PRKN: variants seen among roughly 807,000 people sequenced by gnomAD.
The protein encoded by PRKN is parkin RBR E3 ubiquitin protein ligase, also known as E3 ubiquitin-protein ligase parkin.
Under a neutral mutation model 59.5 loss-of-function variants are expected in PRKN, and 56 were observed. That is an observed-to-expected ratio of 0.94 (90% CI 0.76 to 1.18). The LOEUF is 1.18. Ranked by LOEUF, PRKN falls within the 50% of genes most tolerant of loss-of-function variation. PRKN has a pLI of 0.00. For missense variants in PRKN, 657 were observed against 596.4 expected, an observed-to-expected ratio of 1.10 and a Z score of -1.06; for synonymous variants, 250 against 222.1, an observed-to-expected ratio of 1.13 and a Z score of -1.12.
At chr6:161,970,399 CTATATA>C (rs57166297) in intron 6 of PRKN, among the ~76,000 whole-genome samples, 9 of 146,330 alleles carry the variant, frequency 6.2e-5, no homozygotes, top group East Asian at 4.1e-4. Flanking sequence ...TGATACGAAA[CTATATA>C]TATATATATA....
intron 4 of PRKN, among the ~76,000 whole-genome samples, chr6:162,179,387 G>A (rs901421387): frequency 2.0e-5 from 3 of 152,118 alleles, no homozygotes; most frequent in African/African-American, 4.8e-5. Context: ...ATGGACTGCC[G>A]GGGCTCCACC....
intron 2 of PRKN, among the ~76,000 whole-genome samples, chr6:162,372,377 C>T (rs10945820): frequency 0.24 from 36,183 of 152,076 alleles, 4,538 homozygotes; most frequent in Non-Finnish European, 0.25. Flanking sequence ...CTCATTTACA[C>T]GCTGTGCTCC....
intron 2 of PRKN, among the ~76,000 whole-genome samples, chr6:162,273,573 T>C (rs1780485350): frequency 6.6e-6 from 1 of 152,212 alleles, no homozygotes; most frequent in East Asian, 1.9e-4. Flanking sequence ...CTATTTGTAT[T>C]TATGTTAAGA....
At chr6:162,418,526 C>CA (rs1414681063) in intron 2 of PRKN, among the ~76,000 whole-genome samples, 1 of 151,668 alleles carries the variant, frequency 6.6e-6, no homozygotes, top group African/African-American at 2.4e-5. Flanking sequence ...GGCCAGCACT[C>CA]AAAGAGATTG....
intron 2 of PRKN, among the ~76,000 whole-genome samples, chr6:162,421,461 T>C (rs969343910): frequency 5.3e-5 from 8 of 152,324 alleles, no homozygotes; most frequent in South Asian, 4.1e-4. Flanking sequence ...CTTTGATATT[T>C]TGGCCTCTCT....
At chr6:161,743,654 C>T (rs530052693) in intron 7 of PRKN, among the ~76,000 whole-genome samples, 55 of 152,130 alleles carry the variant, frequency 3.6e-4, no homozygotes, top group African/African-American at 1.3e-3. Flanking sequence ...CCTGCAAGGC[C>T]GGGAGTGAGC....
At position 161,915,991 on chromosome 6, in the gene PRKN, G is replaced by A. The variant is rs377227519; in HGVS notation, c.734+57311C>T. The stretch of plus-strand genomic sequence containing the variant: ...AACAACCATTGATAAATTTATTCTC[G>A]ACTATATCAAATGATAAAGAAAATA... On this transcript the variant is annotated intron_variant, in intron 6 of 11. Transcript: ENST00000366898. Among the ~76,000 whole-genome samples, 7 of 151,826 alleles carry A rather than the reference G, an allele frequency of 4.6e-5. No individual in the cohort carries two copies. In the East Asian group the frequency reaches 5.8e-4, roughly 13 times the overall value.
chr6:162,305,059 G>C (rs575930676), intron 2 of PRKN, among the ~76,000 whole-genome samples: 1 of 152,226 alleles, frequency 6.6e-6, no homozygotes, highest in South Asian at 2.1e-4. Flanking sequence ...TAAGCACCAA[G>C]TTATGTATTA....
chr6:162,593,900 A>G (rs1781398989), intron 1 of PRKN, among the ~76,000 whole-genome samples: 1 of 152,190 alleles, frequency 6.6e-6, no homozygotes, highest in African/African-American at 2.4e-5. Context: ...CGCCTGGCCT[A>G]ACACTTTGGG....
intron 1 of PRKN, among the ~76,000 whole-genome samples, chr6:162,653,613 T>C (rs1204863047): frequency 1.3e-5 from 2 of 152,184 alleles, no homozygotes; most frequent in African/African-American, 4.8e-5. Flanking sequence ...CCTCAATTCC[T>C]TACATTCACA....
At chr6:162,680,979 T>C (rs1378127443) in intron 1 of PRKN, among the ~76,000 whole-genome samples, 4 of 152,178 alleles carry the variant, frequency 2.6e-5, no homozygotes, top group Non-Finnish European at 1.5e-5. Flanking sequence ...GTAGATAATA[T>C]TTTAAAACAT....
chr6:162,544,530 T>C lies in PRKN; in HGVS notation c.8-101057A>G, dbSNP rs185256313. Among the ~76,000 whole-genome samples the C allele has an allele frequency of 2.6e-5, 4 of 152,282 alleles. No individual in the cohort carries two copies. The East Asian group carries it at 7.7e-4, about 29-fold the overall frequency. ...AGAAGCAGTTGTAGGTATTAAAATT[T>C]CATCCATCTCAGTGTCATTTATTTA... On this transcript the variant is annotated intron_variant, in intron 1 of 11. Coordinates refer to ENST00000366898, the MANE Select transcript of PRKN (RefSeq NM_004562.3).
At chr6:161,535,501 A>G (rs890618218) in intron 9 of PRKN, among the ~76,000 whole-genome samples, 1 of 152,238 alleles carries the variant, frequency 6.6e-6, no homozygotes, top group African/African-American at 2.4e-5. Flanking sequence ...GCAGAGGCTG[A>G]CATTTGTCCG....
Position 161,463,813 on chromosome 6 carries a change from T to A in PRKN, c.1084-76936A>T, listed in dbSNP as rs145660726. On this transcript the variant is annotated intron_variant, in intron 9 of 11. Transcript: ENST00000366898. The surrounding 1 kb of genome is among the most constrained non-coding windows in gnomAD (Gnocchi z 4.8). ...AGTGATCACTTTTCCAACATTTCCA[T>A]CCAAATTTTGGAAGCACCTAAATCC... 6.6e-6 allele frequency among the ~76,000 whole-genome samples: 1 copy of A among 152,154 alleles called. No individual in the cohort carries two copies. Among genetic ancestry groups the A allele is most frequent in the South Asian group, 2.1e-4 (1 of 4,820 alleles).
chr6:162,637,114 G>A (rs1211465412), intron 1 of PRKN, among the ~76,000 whole-genome samples: 1 of 151,822 alleles, frequency 6.6e-6, no homozygotes, highest in African/African-American at 2.4e-5. Context: ...AAAAATAGCC[G>A]GGCGTGGTGG....
At chr6:162,086,291 G>C (rs1180812538) in intron 4 of PRKN, among the ~76,000 whole-genome samples, 1 of 152,126 alleles carries the variant, frequency 6.6e-6, no homozygotes, top group Non-Finnish European at 1.5e-5. Flanking sequence ...GAGTGCATGA[G>C]TGGACTCTTT....
intron 7 of PRKN, among the ~76,000 whole-genome samples, chr6:161,659,774 G>C (rs993251): frequency 0.26 from 39,150 of 151,910 alleles, 5,418 homozygotes; most frequent in African/African-American, 0.36. Context: ...AGTTATGAAT[G>C]GTCTTTCTAA....
intron 9 of PRKN, among the ~76,000 whole-genome samples, chr6:161,450,574 T>TG (rs397696777): frequency 1.3e-5 from 2 of 152,164 alleles, no homozygotes; most frequent in African/African-American, 4.8e-5. Context: ...CTTTTTTTTT[T>TG]GAGACGGAGT....
chr6:161,659,732 G>A (rs965888470), intron 7 of PRKN, among the ~76,000 whole-genome samples: 3 of 151,462 alleles, frequency 2.0e-5, no homozygotes, highest in East Asian at 1.9e-4. Flanking sequence ...GTCAGATCTC[G>A]GCTTGTCGTC....
Sources: gnomAD v4.1 joint callset for allele counts (sites outside exome capture counted in the v4.1 genomes callset) on GRCh38, gnomAD v4.1.1 for gene constraint, Gnocchi (gnomAD v3.1) non-coding constraint, MANE v1.5 for transcripts, NCBI Gene and HGNC (gene_info 2026-07-23, HGNC 2026-07-21) for gene names.